Variants in RGS6 observed in about 807,000 individuals in gnomAD.
RGS6 encodes the protein regulator of G-protein signaling 6.
In RGS6, 30 loss-of-function variants were observed where a neutral mutation model predicts 78.5. That is an observed-to-expected ratio of 0.38 (90% CI 0.29 to 0.52). The LOEUF is 0.52. Ranked by LOEUF, RGS6 falls within the 20% of genes least tolerant of loss-of-function variation. The pLI, the probability that RGS6 is intolerant of heterozygous loss-of-function variation, is 0.85. For synonymous variants in RGS6, 206 were observed against 206.0 expected (o/e 1.00, Z 0.00); for missense variants, 495 against 609.7 (o/e 0.81, Z 1.98).
At chr14:72,262,919 C>T (rs1042116444) in intron 2 of RGS6, among the ~76,000 whole-genome samples, 1 of 152,076 alleles carries the variant, frequency 6.6e-6, no homozygotes, top group Non-Finnish European at 1.5e-5. Flanking sequence ...GGTCCTTTTC[C>T]TGTGGTGGCA....
At chr14:72,616,115 C>T in the RGS6 span, among the ~76,000 whole-genome samples, 96 of 152,182 alleles carry the variant, frequency 6.3e-4, 1 homozygote, top group Middle Eastern at 9.5e-3. Flanking sequence ...ACCAATGTCA[C>T]CTTGAATACC....
intron 2 of RGS6, among the ~76,000 whole-genome samples, chr14:71,967,616 T>G (rs2093600513): frequency 6.6e-6 from 1 of 152,230 alleles, no homozygotes; most frequent in African/African-American, 2.4e-5. Flanking sequence ...TAAAAAATTG[T>G]GCTTTCATTT....
downstream of RGS6, among the ~76,000 whole-genome samples, chr14:72,569,995 A>G (rs1446143799): frequency 1.3e-5 from 2 of 152,212 alleles, no homozygotes; most frequent in Non-Finnish European, 2.9e-5. Context: ...CGTTTGAGAA[A>G]GCATATGATC....
At chr14:72,106,592 G>A (rs1028018532) in intron 2 of RGS6, among the ~76,000 whole-genome samples, 18 of 152,146 alleles carry the variant, frequency 1.2e-4, no homozygotes, top group Admixed American at 4.6e-4. Flanking sequence ...ACTCTCTTGA[G>A]TTTTCCAGTA....
chr14:72,152,253 TG>T (rs2096704626), intron 2 of RGS6, among the ~76,000 whole-genome samples: 1 of 151,368 alleles, frequency 6.6e-6, no homozygotes. Flanking sequence ...AGAGTGTGTG[TG>T]TGTGTGTGTG....
Position 71,981,934 on chromosome 14 carries a change from C to T in RGS6, c.84+17059C>T, listed in dbSNP as rs192860913. 3.2e-3 allele frequency among the ~76,000 whole-genome samples: 472 copies of T among 149,398 alleles called. 1 individual carries two copies. The highest frequency in any genetic ancestry group is 0.011 in the African/African-American group (435 of 40,684). ...CTCAGACTGCTGTGCTAGCCATCAG[C>T]GAGACTCCGTGGGCGTAGGACCCTC... On this transcript the variant is annotated intron_variant, in intron 2 of 17. Transcript: ENST00000553525.
At chr14:72,455,836 G>A (rs1351712972) in intron 4 of RGS6, among the ~76,000 whole-genome samples, 1 of 152,174 alleles carries the variant, frequency 6.6e-6, no homozygotes, top group Non-Finnish European at 1.5e-5. Context: ...TCTAAAGTCA[G>A]TATTTCTTGT....
At chr14:71,883,733 C>A in the RGS6 span, among the ~76,000 whole-genome samples, 2 of 152,336 alleles carry the variant, frequency 1.3e-5, no homozygotes, top group African/African-American at 4.8e-5. Flanking sequence ...GACCTCTAGT[C>A]GTCCTCACTG....
intron 3 of RGS6, among the ~76,000 whole-genome samples, chr14:72,378,189 C>T (rs1373708197): frequency 2.6e-5 from 4 of 152,150 alleles, no homozygotes; most frequent in Non-Finnish European, 2.9e-5. Flanking sequence ...CATACCAAAA[C>T]GTACGGGACA....
intron 2 of RGS6, among the ~76,000 whole-genome samples, chr14:72,279,988 A>G (rs1430004292): frequency 6.6e-6 from 1 of 152,210 alleles, no homozygotes; most frequent in Non-Finnish European, 1.5e-5. Flanking sequence ...CACGGACTCA[A>G]TGATACTGAG....
At chr14:72,414,964 T>C (rs2093694195) in intron 3 of RGS6, among the ~76,000 whole-genome samples, 1 of 152,108 alleles carries the variant, frequency 6.6e-6, no homozygotes, top group Non-Finnish European at 1.5e-5. Context: ...CTGCCCCTAC[T>C]GGGGGGGTGC....
chr14:72,141,598 C>A (rs1168743807), intron 2 of RGS6, among the ~76,000 whole-genome samples: 1 of 152,150 alleles, frequency 6.6e-6, no homozygotes, highest in Non-Finnish European at 1.5e-5. Flanking sequence ...TGAGCCTGTC[C>A]TGTGCTGGAC....
intron 2 of RGS6, among the ~76,000 whole-genome samples, chr14:71,974,977 A>C (rs1478246339): frequency 6.6e-6 from 1 of 152,156 alleles, no homozygotes; most frequent in African/African-American, 2.4e-5. Flanking sequence ...ACATCTCTAC[A>C]AAAAGAAAGA....
rs1040422957 is a variant in RGS6 at position 71,988,975 on chromosome 14, A to G, written c.84+24100A>G. On this transcript the variant is annotated intron_variant, in intron 2 of 17. Transcript: ENST00000553525. The stretch of plus-strand genomic sequence containing the variant: ...TGAGATTTTTGTTTGTTTTTTTAAA[A>G]TAAAAAACAGGCATATTGAGCTGCT... 1.1e-4 allele frequency among the ~76,000 whole-genome samples: 17 copies of G among 152,208 alleles called. No individual in the cohort carries two copies. In the South Asian group the frequency reaches 1.2e-3, roughly 11 times the overall value.
At chr14:72,369,145 G>A (rs2082971575) in intron 3 of RGS6, among the ~76,000 whole-genome samples, 2 of 152,322 alleles carry the variant, frequency 1.3e-5, no homozygotes, top group South Asian at 4.1e-4. Flanking sequence ...TGTGGCCCAT[G>A]GGCCATGGGT....
intron 2 of RGS6, among the ~76,000 whole-genome samples, chr14:72,268,184 C>T (rs2059369202): frequency 6.6e-6 from 1 of 152,192 alleles, no homozygotes; most frequent in African/African-American, 2.4e-5. Flanking sequence ...TGAAATACCC[C>T]ACTGTGCTTC....
intron 2 of RGS6, among the ~76,000 whole-genome samples, chr14:71,981,918 C>G (rs2094479027): frequency 6.6e-6 from 1 of 150,778 alleles, no homozygotes; most frequent in Non-Finnish European, 1.5e-5. Flanking sequence ...TCTCAGACTG[C>G]TGTGCTAGCC....
At chr14:71,882,896 CT>C in the RGS6 span, among the ~76,000 whole-genome samples, 3 of 152,250 alleles carry the variant, frequency 2.0e-5, no homozygotes, top group Admixed American at 6.5e-5. Flanking sequence ...CCTAAATTGC[CT>C]TTCATTAGGC....
intron 2 of RGS6, among the ~76,000 whole-genome samples, chr14:72,111,182 A>G (rs2095753662): frequency 6.6e-6 from 1 of 152,186 alleles, no homozygotes; most frequent in African/African-American, 2.4e-5. Flanking sequence ...CAGTTCATGG[A>G]GTAACATTTT....
Sources: allele counts gnomAD v4.1 joint callset (sites outside exome capture counted in the v4.1 genomes callset), GRCh38; gene constraint gnomAD v4.1.1; transcripts MANE v1.5; gene names NCBI Gene and HGNC (gene_info 2026-07-23, HGNC 2026-07-21).